The following RBFOX3 variants were observed in gnomAD, a reference collection of about 807,000 sequenced individuals.
The protein encoded by RBFOX3 is RNA binding fox-1 homolog 3.
RBFOX3 carries 17 observed loss-of-function variants against 48.7 expected under a neutral mutation model. The ratio of observed to expected loss-of-function variants is 0.35; its 90% CI spans 0.24 to 0.52. The LOEUF is 0.52. RBFOX3 is among the 20% of genes least tolerant of loss of function. The pLI is 0.94. For synonymous variants in RBFOX3, 212 were observed against 209.5 expected (o/e 1.01, Z -0.10); for missense variants, 382 against 497.5 (o/e 0.77, Z 2.21).
At chr17:79,251,537 TC>T (rs2063956411) in intron 3 of RBFOX3, among the ~76,000 whole-genome samples, 1 of 152,056 alleles carries the variant, frequency 6.6e-6, no homozygotes, top group Non-Finnish European at 1.5e-5. Flanking sequence ...TGCCTCTAGG[TC>T]CTATGCATTC....
At chr17:79,429,148 C>T (rs550996547) in intron 2 of RBFOX3, among the ~76,000 whole-genome samples, 10 of 152,366 alleles carry the variant, frequency 6.6e-5, no homozygotes, top group Middle Eastern at 3.4e-3. Flanking sequence ...GAGGCACACA[C>T]GCTCACACAC....
intron 1 of RBFOX3, among the ~76,000 whole-genome samples, chr17:79,546,077 T>G (rs2090389605): frequency 6.6e-6 from 1 of 152,214 alleles, no homozygotes; most frequent in African/African-American, 2.4e-5. Context: ...ATGACAAATT[T>G]AAAGCAAATA....
At chr17:79,650,835 G>A in the RBFOX3 span, among the ~76,000 whole-genome samples, 3 of 152,188 alleles carry the variant, frequency 2.0e-5, no homozygotes, top group Non-Finnish European at 4.4e-5. Context: ...ATCTCCAAGC[G>A]CCCTGCAGGC....
intron 2 of RBFOX3, among the ~76,000 whole-genome samples, chr17:79,349,579 C>T (rs1453840633): frequency 6.6e-6 from 1 of 152,042 alleles, no homozygotes; most frequent in Non-Finnish European, 1.5e-5. Flanking sequence ...CCATGGTGAC[C>T]ACTCTTTCAT....
chr17:79,295,902 G>A (rs777023860), intron 3 of RBFOX3, among the ~76,000 whole-genome samples: 36 of 152,066 alleles, frequency 2.4e-4, no homozygotes, highest in African/African-American at 6.5e-4. Flanking sequence ...GGGGAAGGGC[G>A]GTTATTTGTA....
At chr17:79,166,300 G>A (rs2048001803) in intron 4 of RBFOX3, among the ~76,000 whole-genome samples, 1 of 152,190 alleles carries the variant, frequency 6.6e-6, no homozygotes. Flanking sequence ...CAGGAGCTAT[G>A]CTCAGGAAAG....
At chr17:79,460,283 A>T (rs1017377649) in intron 2 of RBFOX3, among the ~76,000 whole-genome samples, 3 of 152,178 alleles carry the variant, frequency 2.0e-5, no homozygotes, top group Non-Finnish European at 4.4e-5. Context: ...CTCATTAAAA[A>T]AAAATGGGCC....
intron 2 of RBFOX3, among the ~76,000 whole-genome samples, chr17:79,316,715 T>C (rs889470822): frequency 1.3e-5 from 2 of 152,218 alleles, no homozygotes; most frequent in Non-Finnish European, 2.9e-5. Flanking sequence ...AGTTTCCACA[T>C]TTAGGAAATA....
chr17:79,093,823 AC>A, intron 14 of RBFOX3, among the ~76,000 whole-genome samples: 1 of 151,106 alleles, frequency 6.6e-6, no homozygotes, highest in African/African-American at 2.4e-5. Context: ...ACACACACAC[AC>A]ACAGAGACAC....
chr17:79,365,319 C>T (rs1598398538), intron 2 of RBFOX3, among the ~76,000 whole-genome samples: 1 of 152,136 alleles, frequency 6.6e-6, no homozygotes, highest in East Asian at 1.9e-4. Context: ...AAATAGCATC[C>T]CCTTTGATGT....
intron 1 of RBFOX3, among the ~76,000 whole-genome samples, chr17:79,504,636 T>C (rs1182855570): frequency 6.6e-6 from 1 of 152,218 alleles, no homozygotes; most frequent in Non-Finnish European, 1.5e-5. Flanking sequence ...CATGGCCTTC[T>C]CTTTTGTCTG....
At chr17:79,356,348 G>GTTTTTTTTTTTTTTTTTTTTTTTTTTTT (rs58040659) in intron 2 of RBFOX3, among the ~76,000 whole-genome samples, 1 of 47,270 alleles carries the variant, frequency 2.1e-5, no homozygotes, top group Non-Finnish European at 4.1e-5. Context: ...AAACAGGGAA[G>GTTTTTTTTTTTTTTTTTTTTTTTTTTTT]TTTTTTTTTT....
At chr17:79,145,692 C>T (rs1005643910) in intron 4 of RBFOX3, among the ~76,000 whole-genome samples, 1 of 152,226 alleles carries the variant, frequency 6.6e-6, no homozygotes, top group African/African-American at 2.4e-5. Context: ...TTTTCTGCCA[C>T]CACCACAGGC....
chr17:79,420,125 TCATACA>T (rs1260798715), intron 2 of RBFOX3, among the ~76,000 whole-genome samples: 22 of 25,230 alleles, frequency 8.7e-4, no homozygotes, highest in South Asian at 2.1e-3. Context: ...AGACTCCGTC[TCATACA>T]CACACACACA....
At position 79,239,697 on chromosome 17, in the gene RBFOX3, T is replaced by C. The variant is rs2062091053; in HGVS notation, c.-73-3892A>G. 3.3e-5 allele frequency among the ~76,000 whole-genome samples: 5 copies of C among 152,204 alleles called. No individual in the cohort carries two copies. In the South Asian group the frequency reaches 1.0e-3, roughly 31 times the overall value. ...TTCCCACTAGACTGTGATGCCCCCA[T>C]GGGCAGAGGCCATATCTTAGAGGTC... On this transcript the variant is annotated intron_variant, in intron 3 of 14. Coordinates refer to ENST00000693108, the MANE Select transcript of RBFOX3 (RefSeq NM_001350451.2).
intron 2 of RBFOX3, among the ~76,000 whole-genome samples, chr17:79,434,693 G>A (rs931825750): frequency 6.6e-6 from 1 of 152,178 alleles, no homozygotes; most frequent in Non-Finnish European, 1.5e-5. Context: ...GAGCAAGCAG[G>A]CCCAGACAAT....
At position 79,423,418 on chromosome 17, in the gene RBFOX3, C is replaced by T. The variant is rs1378731315; in HGVS notation, c.-175+59036G>A. On this transcript the variant is annotated intron_variant, in intron 2 of 14. Transcript: ENST00000693108. This position sits in a 1 kb window ranked among gnomAD's most constrained non-coding sequence, Gnocchi z 4.9. Reference sequence around the variant, plus strand: ...GTCCGGCGCCACCACCTCTGCCGGACGTTTGCTATCTCTCTACCTCCGTGC... The same window carrying T: ...GTCCGGCGCCACCACCTCTGCCGGATGTTTGCTATCTCTCTACCTCCGTGC... Among the ~76,000 whole-genome samples, 7 of 152,156 alleles carry T rather than the reference C, an allele frequency of 4.6e-5. No homozygotes were observed. Among genetic ancestry groups the T allele is most frequent in the African/African-American group, 9.7e-5 (4 of 41,424 alleles).
chr17:79,658,691 C>T, the RBFOX3 span, among the ~76,000 whole-genome samples: 1 of 152,080 alleles, frequency 6.6e-6, no homozygotes, highest in African/African-American at 2.4e-5. Context: ...AGTATCTCTG[C>T]CTCCATCATC....
At chr17:79,203,205 A>G (rs553406114) in intron 4 of RBFOX3, among the ~76,000 whole-genome samples, 1 of 150,414 alleles carries the variant, frequency 6.6e-6, no homozygotes, top group African/African-American at 2.5e-5. Flanking sequence ...GGGCTGTGAC[A>G]ACCCCTGGCC....
Sources: allele counts gnomAD v4.1 joint callset (sites outside exome capture counted in the v4.1 genomes callset), GRCh38; gene constraint gnomAD v4.1.1; non-coding constraint Gnocchi (gnomAD v3.1); transcripts MANE v1.5; gene names NCBI Gene and HGNC (gene_info 2026-07-23, HGNC 2026-07-21).